SAMD5: variants seen among roughly 807,000 people sequenced by gnomAD.
SAMD5 encodes the protein sterile alpha motif domain-containing protein 5.
Under a neutral mutation model 11.3 loss-of-function variants are expected in SAMD5, and 13 were observed. That is an observed-to-expected ratio of 1.15 (90% CI 0.75 to 1.83). SAMD5 has a LOEUF of 1.83. Among genes scored for constraint, SAMD5 ranks in the 40% most tolerant of loss-of-function variants. The pLI, the probability that SAMD5 is intolerant of heterozygous loss-of-function variation, is 0.00. For synonymous variants in SAMD5, 129 were observed against 111.3 expected (o/e 1.16, Z -1.00); for missense variants, 255 against 239.1 (o/e 1.07, Z -0.44).
the SAMD5 span, among the ~76,000 whole-genome samples, chr6:147,894,024 C>T: frequency 6.6e-6 from 1 of 152,008 alleles, no homozygotes; most frequent in East Asian, 1.9e-4. Flanking sequence ...TTCCATGACA[C>T]AGGTGTACTT....
At chr6:147,831,359 A>T in the SAMD5 span, among the ~76,000 whole-genome samples, 1 of 152,238 alleles carries the variant, frequency 6.6e-6, no homozygotes, top group African/African-American at 2.4e-5. Context: ...ATGGTGAGGA[A>T]CAGAAAAAAC....
chr6:147,924,926 G>A, the SAMD5 span, among the ~76,000 whole-genome samples: 1 of 151,954 alleles, frequency 6.6e-6, no homozygotes, highest in Non-Finnish European at 1.5e-5. Context: ...GTGACCTTGA[G>A]GCATTGTGAT....
intron 1 of SAMD5, among the ~76,000 whole-genome samples, chr6:147,714,475 C>T (rs1183968648): frequency 1.3e-5 from 2 of 152,036 alleles, no homozygotes; most frequent in Admixed American, 1.3e-4. Context: ...GAGTGATGAG[C>T]ATGGTGTTGA....
At chr6:147,791,309 TAAATG>T in the SAMD5 span, among the ~76,000 whole-genome samples, 1 of 151,780 alleles carries the variant, frequency 6.6e-6, no homozygotes, top group Non-Finnish European at 1.5e-5. Flanking sequence ...AATAAATAAA[TAAATG>T]AAAGATAAAG....
At chr6:147,952,093 A>G in the SAMD5 span, among the ~76,000 whole-genome samples, 2 of 152,180 alleles carry the variant, frequency 1.3e-5, no homozygotes, top group Non-Finnish European at 2.9e-5. Context: ...GTTTTTATTC[A>G]GAGTAAGAGG....
At position 147,631,485 on chromosome 6, in the gene SAMD5, C is replaced by T. The variant is rs140451803; in HGVS notation, c.163-105832C>T. 1.1e-3 allele frequency among the ~76,000 whole-genome samples: 170 copies of T among 152,088 alleles called. 1 individual carries two copies. Among genetic ancestry groups the T allele is most frequent in the African/African-American group, 3.9e-3 (160 of 41,490 alleles). ...TTCCACCTTTCCTGAAGATTGATGC[C>T]GGTAAGAGGTATGAAGGTTTCACTG... On this transcript the variant is annotated intron_variant, in intron 1 of 1. Coordinates refer to the SAMD5 transcript ENST00000566741.
chr6:147,702,035 A>G (rs1254121897), intron 1 of SAMD5, among the ~76,000 whole-genome samples: 1 of 152,228 alleles, frequency 6.6e-6, no homozygotes, highest in Non-Finnish European at 1.5e-5. Context: ...AAACTGGGTA[A>G]TTTATAAAGG....
chr6:147,845,756 C>A, the SAMD5 span, among the ~76,000 whole-genome samples: 1 of 152,010 alleles, frequency 6.6e-6, no homozygotes, highest in Non-Finnish European at 1.5e-5. Context: ...GAGGGGAAAC[C>A]GGATTACTCA....
At chr6:147,708,616 C>T (rs1245819351) in intron 1 of SAMD5, among the ~76,000 whole-genome samples, 2 of 152,138 alleles carry the variant, frequency 1.3e-5, no homozygotes, top group Non-Finnish European at 2.9e-5. Context: ...TATTTGAATC[C>T]TTAAAGCCTG....
chr6:147,823,739 T>C, the SAMD5 span, among the ~76,000 whole-genome samples: 2 of 152,348 alleles, frequency 1.3e-5, no homozygotes, highest in South Asian at 4.1e-4. Context: ...CTATTTTATC[T>C]CTTCTTTTTC....
chr6:147,623,478 G>C (rs920594249), intron 1 of SAMD5, among the ~76,000 whole-genome samples: 1 of 152,200 alleles, frequency 6.6e-6, no homozygotes, highest in African/African-American at 2.4e-5. Context: ...CATTGTAAGA[G>C]GAGTTTGCTC....
At chr6:147,652,459 G>A (rs1441510610) in intron 1 of SAMD5, among the ~76,000 whole-genome samples, 4 of 152,178 alleles carry the variant, frequency 2.6e-5, no homozygotes, top group Non-Finnish European at 5.9e-5. Context: ...TTGAACCAAA[G>A]CTCAAGGACA....
chr6:147,771,157 G>A, the SAMD5 span, among the ~76,000 whole-genome samples: 1 of 152,212 alleles, frequency 6.6e-6, no homozygotes, highest in Non-Finnish European at 1.5e-5. Context: ...ATGAAAAATG[G>A]TAGGTTCCAA....
intron 1 of SAMD5, among the ~76,000 whole-genome samples, chr6:147,544,075 A>T (rs1788649062): frequency 6.6e-6 from 1 of 152,204 alleles, no homozygotes; most frequent in Non-Finnish European, 1.5e-5. Flanking sequence ...TTTATAAGAA[A>T]ATTGTTGGGC....
At chr6:147,659,406 A>G (rs778353838) in intron 1 of SAMD5, among the ~76,000 whole-genome samples, 2 of 152,198 alleles carry the variant, frequency 1.3e-5, no homozygotes, top group Non-Finnish European at 2.9e-5. Context: ...AAAAGAATAT[A>G]TAATGAGAAG....
the SAMD5 span, among the ~76,000 whole-genome samples, chr6:147,888,199 A>AT: frequency 3.9e-5 from 6 of 152,004 alleles, no homozygotes; most frequent in African/African-American, 1.5e-4. Context: ...TGCTTTTGGC[A>AT]TTTTGTCTAG....
At chr6:147,719,770 T>TA (rs1373578963) in intron 1 of SAMD5, among the ~76,000 whole-genome samples, 1 of 152,178 alleles carries the variant, frequency 6.6e-6, no homozygotes, top group Non-Finnish European at 1.5e-5. Context: ...GATTTTTTGC[T>TA]AAAAAACCTA....
At chr6:147,638,638 C>T (rs545124568) in intron 1 of SAMD5, among the ~76,000 whole-genome samples, 4 of 152,234 alleles carry the variant, frequency 2.6e-5, no homozygotes, top group South Asian at 2.1e-4. Context: ...ACTGTGTGTG[C>T]GTGGCCAGTG....
chr6:147,688,483 T>C (rs73014013), intron 1 of SAMD5, among the ~76,000 whole-genome samples: 17,469 of 152,266 alleles, frequency 0.11, 1,100 homozygotes, highest in Middle Eastern at 0.16. Context: ...ATTGAGTTGA[T>C]TTGAAATTTG....
Sources: gnomAD v4.1 joint callset for allele counts (sites outside exome capture counted in the v4.1 genomes callset) on GRCh38, gnomAD v4.1.1 for gene constraint, MANE v1.5 for transcripts, NCBI Gene and HGNC (gene_info 2026-07-23, HGNC 2026-07-21) for gene names.